Variants in NCK1 observed in about 807,000 individuals in gnomAD.
The protein encoded by NCK1 is NCK adaptor protein 1.
Under a neutral mutation model 36.6 loss-of-function variants are expected in NCK1, and 19 were observed. The observed-to-expected ratio is 0.52, with a 90% confidence interval of 0.36 to 0.76. The LOEUF is 0.76. Among genes scored for constraint, NCK1 ranks in the 30% least tolerant of loss-of-function variants. The pLI is 0.00. For missense variants in NCK1, 358 were observed against 445.6 expected, an observed-to-expected ratio of 0.80 and a Z score of 1.77; for synonymous variants, 165 against 156.0, an observed-to-expected ratio of 1.06 and a Z score of -0.43.
chr3:136,891,535 T>A (rs971555625), intron 1 of NCK1, among the ~76,000 whole-genome samples: 2 of 152,252 alleles, frequency 1.3e-5, no homozygotes, highest in African/African-American at 2.4e-5. Context: ...CACTTTTACT[T>A]CTTTTGGGTT....
chr3:136,865,760 A>ATTTT (rs1238584779), intron 1 of NCK1, among the ~76,000 whole-genome samples: 1 of 152,240 alleles, frequency 6.6e-6, no homozygotes, highest in Non-Finnish European at 1.5e-5. Context: ...TAAATATGAC[A>ATTTT]TTTAAAGATT....
chr3:136,870,741 C>G (rs1307115152), intron 1 of NCK1, among the ~76,000 whole-genome samples: 2 of 138,270 alleles, frequency 1.4e-5, no homozygotes, highest in Non-Finnish European at 3.1e-5. Flanking sequence ...TGGCTTTTGT[C>G]TACGTCTCAC....
At chr3:136,921,470 G>A (rs1242159530) in intron 1 of NCK1, among the ~76,000 whole-genome samples, 1 of 152,146 alleles carries the variant, frequency 6.6e-6, no homozygotes, top group African/African-American at 2.4e-5. Context: ...CTTTATGCAG[G>A]GATGTGTGGG....
intron 1 of NCK1, among the ~76,000 whole-genome samples, chr3:136,922,835 G>T (rs556524561): frequency 6.6e-6 from 1 of 152,070 alleles, no homozygotes; most frequent in Non-Finnish European, 1.5e-5. Flanking sequence ...TAACCCAAAG[G>T]TACACTAACA....
At chr3:136,911,277 G>A (rs1205658733) in intron 1 of NCK1, among the ~76,000 whole-genome samples, 1 of 152,154 alleles carries the variant, frequency 6.6e-6, no homozygotes, top group African/African-American at 2.4e-5. Context: ...CCAGAAGTGG[G>A]ATTGCTGGAT....
At chr3:136,904,716 T>TA (rs1468036535) in intron 1 of NCK1, among the ~76,000 whole-genome samples, 1 of 152,210 alleles carries the variant, frequency 6.6e-6, no homozygotes. Context: ...GGAAAATTTT[T>TA]ACCTATTATT....
chr3:136,880,543 C>G (rs182777962), intron 1 of NCK1, among the ~76,000 whole-genome samples: 2 of 152,270 alleles, frequency 1.3e-5, no homozygotes, highest in East Asian at 3.9e-4. Flanking sequence ...TTTCAGACTT[C>G]TGGCCTCCAG....
chr3:136,920,394 C>T (rs910858155), intron 1 of NCK1, among the ~76,000 whole-genome samples: 1 of 152,072 alleles, frequency 6.6e-6, no homozygotes, highest in Admixed American at 6.5e-5. Context: ...AATTCATTCA[C>T]TTATTCACTC....
chr3:136,936,521 T>G (rs1940535664), intron 2 of NCK1, among the ~76,000 whole-genome samples: 1 of 152,224 alleles, frequency 6.6e-6, no homozygotes, highest in Non-Finnish European at 1.5e-5. Context: ...GTGGAATTGC[T>G]GGATCGTATG....
chr3:136,940,597 T>G (rs1414953291), intron 2 of NCK1, among the ~76,000 whole-genome samples: 2 of 152,160 alleles, frequency 1.3e-5, no homozygotes, highest in Non-Finnish European at 2.9e-5. Flanking sequence ...CAGGCTGGAG[T>G]GCAGTGGCGT....
At chr3:136,904,810 C>G (rs1560042205) in intron 1 of NCK1, among the ~76,000 whole-genome samples, 1 of 149,342 alleles carries the variant, frequency 6.7e-6, no homozygotes, top group Non-Finnish European at 1.5e-5. Flanking sequence ...TAATGGTGTT[C>G]CATATGTCAC....
At chr3:136,919,454 A>G (rs1940050209) in intron 1 of NCK1, among the ~76,000 whole-genome samples, 1 of 152,190 alleles carries the variant, frequency 6.6e-6, no homozygotes, top group Non-Finnish European at 1.5e-5. Context: ...TGACAATGTA[A>G]TTGAATTTCA....
intron 1 of NCK1, among the ~76,000 whole-genome samples, chr3:136,907,465 T>G (rs1274082330): frequency 2.0e-5 from 3 of 152,166 alleles, no homozygotes; most frequent in African/African-American, 7.2e-5. Flanking sequence ...CACCTCTTTA[T>G]GTTAGACTCA....
At chr3:136,879,838 G>T (rs547120268) in intron 1 of NCK1, among the ~76,000 whole-genome samples, 2 of 151,552 alleles carry the variant, frequency 1.3e-5, no homozygotes, top group African/African-American at 4.9e-5. Flanking sequence ...ATTGGGGCCT[G>T]TTGGCGGGTG....
Position 136,946,094 on chromosome 3 carries a change from T to C in NCK1, c.738T>C (p.Tyr246=). 2 of 1,614,002 alleles carry C rather than the reference T, an allele frequency of 1.2e-6. No individual in the cohort carries two copies. Among genetic ancestry groups the C allele is most frequent in the South Asian group, 1.1e-5 (1 of 91,072 alleles). Residue 246 remains tyrosine (Y), a synonymous_variant, in exon 3 of 4, where the codon TAT becomes TAC. Coordinates refer to ENST00000481752, the MANE Select transcript of NCK1 (RefSeq NM_001291999.2). ...NGMVGLVPKN[Y]VTVMQNNPLT... is the part of the protein sequence containing the mutation. ...TGGTTGGTCTAGTACCAAAAAACTA[T>C]GTTACCGTTATGCAGAATAATCCAT...
At chr3:136,893,151 T>TGTGTGC (rs1939293971) in intron 1 of NCK1, among the ~76,000 whole-genome samples, 1 of 43,810 alleles carries the variant, frequency 2.3e-5, no homozygotes, top group African/African-American at 8.2e-5. Flanking sequence ...TTCCATAGTG[T>TGTGTGC]GTGTGTGTGT....
At chr3:136,930,812 A>G (rs188788131) in intron 2 of NCK1, among the ~76,000 whole-genome samples, 210 of 152,328 alleles carry the variant, frequency 1.4e-3, no homozygotes, top group African/African-American at 4.7e-3. Flanking sequence ...ATGAATGTTT[A>G]ACAAGTAGAG....
intron 1 of NCK1, among the ~76,000 whole-genome samples, chr3:136,879,346 A>C (rs868744497): frequency 6.6e-6 from 1 of 152,150 alleles, no homozygotes; most frequent in African/African-American, 2.4e-5. Context: ...AGAATCAAGG[A>C]ACGTGATTTT....
At chr3:136,870,594 A>T (rs751277309) in intron 1 of NCK1, among the ~76,000 whole-genome samples, 1 of 151,720 alleles carries the variant, frequency 6.6e-6, no homozygotes, top group African/African-American at 2.4e-5. Flanking sequence ...AACATTTAGA[A>T]TATTTAGTGT....
Sources: allele counts gnomAD v4.1 joint callset (sites outside exome capture counted in the v4.1 genomes callset), GRCh38; gene constraint gnomAD v4.1.1; transcripts MANE v1.5; gene names NCBI Gene and HGNC (gene_info 2026-07-23, HGNC 2026-07-21).